COBL: variants seen among roughly 807,000 people sequenced by gnomAD.
The protein encoded by COBL is cordon-bleu WH2 repeat protein, also known as protein cordon-bleu.
Under a neutral mutation model 98.8 loss-of-function variants are expected in COBL, and 51 were observed. That is an observed-to-expected ratio of 0.52 (90% CI 0.41 to 0.65). COBL has a LOEUF of 0.65. COBL is among the 30% of genes least tolerant of loss of function. COBL has a pLI of 0.00. For missense variants in COBL, 1,617 were observed against 1,617.5 expected (o/e 1.00, Z 0.01); for synonymous variants, 634 against 651.7 (o/e 0.97, Z 0.41).
In COBL at chr7:51,299,849, G is replaced by A. The variant is rs563369673; in HGVS notation, c.41+16744C>T. On this transcript the variant is annotated intron_variant, in intron 1 of 12. Coordinates refer to ENST00000265136, the MANE Select transcript of COBL (RefSeq NM_015198.5). ...AGGTGACCCATGACTCCACAAGACA[G>A]GTCATCTGTACCCTACTTGAGGCAC... Among the ~76,000 whole-genome samples, 18 of 152,282 alleles carry A rather than the reference G, an allele frequency of 1.2e-4. No homozygotes were observed. The South Asian group carries it at 3.7e-3, about 32-fold the overall frequency.
At chr7:51,018,908 ATATATATATATATATAT>A (rs1562796039) in intron 12 of COBL, among the ~76,000 whole-genome samples, 955 of 30,252 alleles carry the variant, frequency 0.032, 165 homozygotes, top group African/African-American at 0.081. Context: ...AAAAAAAAAT[ATATATATATATATATAT>A]ATATATATAT....
chr7:51,273,215 G>A lies in COBL; in HGVS notation c.41+43378C>T, dbSNP rs1211502526. On this transcript the variant is annotated intron_variant, in intron 1 of 12. Coordinates refer to ENST00000265136, the MANE Select transcript of COBL (RefSeq NM_015198.5). The stretch of plus-strand genomic sequence containing the variant: ...ATGGTGGCACATGCCTGTAATCCCA[G>A]CTACTTGGGAGGCTGAGGCAGGAGA... Among the ~76,000 whole-genome samples the A allele has an allele frequency of 2.0e-5, 3 of 151,560 alleles. No individual in the cohort carries two copies. The East Asian group carries it at 5.8e-4, about 29-fold the overall frequency.
chr7:51,099,895 CTGTTCTAACT>C (rs1000751014), intron 6 of COBL, among the ~76,000 whole-genome samples: 1 of 152,172 alleles, frequency 6.6e-6, no homozygotes, highest in South Asian at 2.1e-4. Context: ...CTTTAGCCCA[CTGTTCTAACT>C]TGTAAGACTT....
intron 1 of COBL, among the ~76,000 whole-genome samples, chr7:51,261,753 G>C (rs899479623): frequency 6.6e-6 from 1 of 152,152 alleles, no homozygotes; most frequent in Non-Finnish European, 1.5e-5. Context: ...GATCACCTGA[G>C]GTCAGGAGTT....
intron 7 of COBL, among the ~76,000 whole-genome samples, chr7:51,069,610 T>C (rs1792305879): frequency 6.6e-6 from 1 of 152,240 alleles, no homozygotes; most frequent in Non-Finnish European, 1.5e-5. Context: ...CTTTTAATAT[T>C]GGCAACTTTA....
chr7:51,246,069 C>T (rs1400804481), intron 1 of COBL, among the ~76,000 whole-genome samples: 1 of 151,694 alleles, frequency 6.6e-6, no homozygotes, highest in Non-Finnish European at 1.5e-5. Flanking sequence ...AGTAGAAAGG[C>T]CTAAAAATAT....
In COBL at chr7:51,029,448, C is replaced by T. The variant is rs772491714; in HGVS notation, c.1648G>A (p.Asp550Asn). 2.5e-6 allele frequency: 4 copies of T among 1,614,066 alleles called. No individual in the cohort carries two copies. Among genetic ancestry groups the T allele is most frequent in the Admixed American group, 1.7e-5 (1 of 59,998 alleles). ...GAAAACAACCCCGAATCCACAGGAT[C>T]ATCTGAAACTTCCCCTATGAATGTT... is the stretch of plus-strand genomic sequence containing the variant. ...PVTFIGEVSD[D>N]PVDSGLFSNR... is the part of the protein sequence containing the mutation. The change falls in exon 10 of 13, where the codon GAT becomes AAT. Residue 550 changes from aspartate to asparagine, a missense_variant. This residue lies in a region of COBL where 1,304 missense variants were observed against 1,282.0 expected (regional missense o/e 1.02). Transcript: ENST00000265136.
chr7:51,166,889 G>C (rs1013111626), intron 5 of COBL, among the ~76,000 whole-genome samples: 4 of 152,078 alleles, frequency 2.6e-5, no homozygotes, highest in Non-Finnish European at 4.4e-5. Context: ...AAAAGCATTT[G>C]ATAACATTCA....
At chr7:51,244,978 G>A (rs771800527) in intron 1 of COBL, among the ~76,000 whole-genome samples, 10 of 152,048 alleles carry the variant, frequency 6.6e-5, no homozygotes, top group Non-Finnish European at 1.2e-4. Context: ...GTCTTGGCTC[G>A]CTAGCTGAGA....
intron 6 of COBL, among the ~76,000 whole-genome samples, chr7:51,109,154 G>A (rs966664293): frequency 1.3e-5 from 2 of 152,098 alleles, no homozygotes; most frequent in African/African-American, 2.4e-5. Context: ...TGCACTATGC[G>A]AGTTTCTGCA....
At chr7:51,202,673 A>G (rs561885523) in intron 2 of COBL, among the ~76,000 whole-genome samples, 1 of 152,350 alleles carries the variant, frequency 6.6e-6, no homozygotes, top group Non-Finnish European at 1.5e-5. Flanking sequence ...TGGAAACAAA[A>G]GTTGTCAAAA....
intron 1 of COBL, among the ~76,000 whole-genome samples, chr7:51,238,753 CTT>C (rs1428940584): frequency 6.6e-6 from 1 of 152,186 alleles, no homozygotes; most frequent in African/African-American, 2.4e-5. Flanking sequence ...CTGTGCTCCT[CTT>C]TCCCCCTGTG....
At chr7:51,300,576 C>G (rs1306945549) in intron 1 of COBL, among the ~76,000 whole-genome samples, 1 of 152,146 alleles carries the variant, frequency 6.6e-6, no homozygotes, top group African/African-American at 2.4e-5. Context: ...TCAGAAGGAG[C>G]TGCCTGCTCC....
chr7:51,247,697 C>A (rs1472054872), intron 1 of COBL, among the ~76,000 whole-genome samples: 2 of 152,164 alleles, frequency 1.3e-5, no homozygotes, highest in East Asian at 3.9e-4. Flanking sequence ...CTGCATCACT[C>A]CAGCAAACAG....
At position 51,256,375 on chromosome 7, in the gene COBL, T is replaced by G. The variant is rs76066712; in HGVS notation, c.42-36431A>C. ...TCCACTCTCAGGCTCTTTGGAAAGC[T>G]GACTCCCAGGGCCACAAGCAAGTCT... On this transcript the variant is annotated intron_variant, in intron 1 of 12. Coordinates refer to ENST00000265136, the MANE Select transcript of COBL (RefSeq NM_015198.5). 3.0e-3 allele frequency among the ~76,000 whole-genome samples: 462 copies of G among 152,330 alleles called. 2 individuals are homozygous for G. Among genetic ancestry groups the G allele is most frequent in the African/African-American group, 0.01 (431 of 41,588 alleles).
intron 1 of COBL, among the ~76,000 whole-genome samples, chr7:51,305,664 G>A (rs1479913346): frequency 6.6e-6 from 1 of 152,176 alleles, no homozygotes; most frequent in African/African-American, 2.4e-5. Context: ...ATAGGCCCCA[G>A]GAGAGCCAAG....
chr7:51,312,368 G>A (rs1803142656), intron 1 of COBL, among the ~76,000 whole-genome samples: 2 of 152,020 alleles, frequency 1.3e-5, no homozygotes, highest in Non-Finnish European at 2.9e-5. Flanking sequence ...AACTCTTAGT[G>A]TATTTACAAA....
chr7:51,041,032 T>C (rs1194193880), intron 8 of COBL, among the ~76,000 whole-genome samples: 2 of 152,216 alleles, frequency 1.3e-5, no homozygotes, highest in African/African-American at 4.8e-5. Flanking sequence ...GAGATTACAG[T>C]AGAAAGTGGT....
chr7:51,304,005 G>A (rs972045117), intron 1 of COBL, among the ~76,000 whole-genome samples: 8 of 151,940 alleles, frequency 5.3e-5, no homozygotes, highest in African/African-American at 1.9e-4. Context: ...TAACGCTGGC[G>A]GCACCTTGAA....
Sources: allele counts gnomAD v4.1 joint callset (sites outside exome capture counted in the v4.1 genomes callset), GRCh38; gene constraint gnomAD v4.1.1; regional missense constraint gnomAD v4.1.1; transcripts MANE v1.5; gene names NCBI Gene and HGNC (gene_info 2026-07-23, HGNC 2026-07-21).